Variants in CCBE1 observed in about 807,000 individuals in gnomAD.
CCBE1 encodes collagen and calcium-binding EGF domain-containing protein 1.
In CCBE1, 37 loss-of-function variants were observed where a neutral mutation model predicts 50.0. The observed-to-expected ratio is 0.74, with a 90% CI of 0.57 to 0.97. The LOEUF (loss-of-function observed/expected upper bound fraction) is 0.97. Among genes scored for constraint, CCBE1 ranks in the 50% least tolerant of loss-of-function variants. CCBE1 has a pLI of 0.00. For missense variants in CCBE1, 538 were observed against 523.8 expected, an observed-to-expected ratio of 1.03 and a Z score of -0.26; for synonymous variants, 234 against 203.7, an observed-to-expected ratio of 1.15 and a Z score of -1.27.
Position 59,439,371 on chromosome 18 carries a change from G to A in CCBE1, c.951+172C>T, listed in dbSNP as rs140417203. ...TCCCAGCTGCTTGGGAGGCTGAGGC[G>A]GGAGAATTGGGCTTGAGCCAGAGAG... On this transcript the variant is annotated intron_variant, in intron 9 of 10. Coordinates refer to ENST00000439986, the MANE Select transcript of CCBE1 (RefSeq NM_133459.4). Among the ~76,000 whole-genome samples, 520 of 152,196 alleles carry A rather than the reference G, an allele frequency of 3.4e-3. 1 individual carries two copies. The highest frequency in any genetic ancestry group is 0.012 in the African/African-American group (489 of 41,528).
chr18:59,455,853 A>G (rs1288923623), intron 5 of CCBE1, among the ~76,000 whole-genome samples: 1 of 152,204 alleles, frequency 6.6e-6, no homozygotes, highest in African/African-American at 2.4e-5. Flanking sequence ...AGGGAAGCAT[A>G]AACTCTCTTC....
At chr18:59,545,434 T>C (rs753623117) in intron 2 of CCBE1, among the ~76,000 whole-genome samples, 7 of 152,230 alleles carry the variant, frequency 4.6e-5, no homozygotes, top group Non-Finnish European at 1.0e-4. Flanking sequence ...TGGTCACACA[T>C]AATGCATATT....
intron 3 of CCBE1, among the ~76,000 whole-genome samples, chr18:59,479,263 A>G (rs2013210): frequency 0.32 from 48,651 of 151,942 alleles, 7,978 homozygotes; most frequent in Admixed American, 0.42. Flanking sequence ...TCTGCCTGGA[A>G]CCCTCTGTAG....
chr18:59,540,430 A>G (rs760566411), intron 2 of CCBE1, among the ~76,000 whole-genome samples: 2 of 152,228 alleles, frequency 1.3e-5, no homozygotes, highest in Non-Finnish European at 2.9e-5. Context: ...AGCTGAGCCC[A>G]TGTGTCCATG....
chr18:59,586,366 A>C (rs893982119), intron 2 of CCBE1, among the ~76,000 whole-genome samples: 5 of 152,214 alleles, frequency 3.3e-5, no homozygotes, highest in African/African-American at 1.2e-4. Context: ...CTTGAGAAGA[A>C]GATAATCTCC....
intron 2 of CCBE1, among the ~76,000 whole-genome samples, chr18:59,564,372 TAC>T (rs959407493): frequency 5.9e-5 from 9 of 152,270 alleles, no homozygotes; most frequent in Admixed American, 2.6e-4. Flanking sequence ...ACTATATATA[TAC>T]ACACACACAT....
chr18:59,605,049 G>C (rs561853365), intron 2 of CCBE1, among the ~76,000 whole-genome samples: 26 of 152,292 alleles, frequency 1.7e-4, no homozygotes, highest in Middle Eastern at 3.4e-3. Context: ...GCCCTCATGA[G>C]AGCATGTTCT....
At chr18:59,490,322 T>A (rs1913037054) in intron 2 of CCBE1, among the ~76,000 whole-genome samples, 1 of 151,818 alleles carries the variant, frequency 6.6e-6, no homozygotes, top group South Asian at 2.1e-4. Flanking sequence ...AAAGGTTAGT[T>A]TGGAGATTCA....
At chr18:59,438,759 A>G (rs187160380) in intron 9 of CCBE1, among the ~76,000 whole-genome samples, 2 of 152,316 alleles carry the variant, frequency 1.3e-5, no homozygotes, top group East Asian at 3.9e-4. Context: ...AAAAAGTTCT[A>G]TCTGGTATCT....
intron 3 of CCBE1, among the ~76,000 whole-genome samples, chr18:59,479,976 G>A (rs1176025619): frequency 2.0e-5 from 3 of 152,202 alleles, no homozygotes; most frequent in Non-Finnish European, 4.4e-5. Context: ...GACTCAATGT[G>A]TGCAAGCACA....
chr18:59,651,039 G>A (rs954469309), intron 2 of CCBE1, among the ~76,000 whole-genome samples: 5 of 152,062 alleles, frequency 3.3e-5, no homozygotes, highest in African/African-American at 7.2e-5. Flanking sequence ...CCTTTTCCTC[G>A]CCACAGCCAG....
intron 2 of CCBE1, among the ~76,000 whole-genome samples, chr18:59,638,315 T>C (rs2053941844): frequency 6.6e-6 from 1 of 152,224 alleles, no homozygotes; most frequent in Non-Finnish European, 1.5e-5. Flanking sequence ...AACTTTATGG[T>C]GAAATGTCTA....
intron 2 of CCBE1, among the ~76,000 whole-genome samples, chr18:59,583,009 G>C (rs9948068): frequency 0.018 from 2,726 of 152,206 alleles, 66 homozygotes; most frequent in African/African-American, 0.062. Flanking sequence ...TTTTTGTAGA[G>C]ATGGGATCTA....
intron 2 of CCBE1, among the ~76,000 whole-genome samples, chr18:59,660,845 G>A (rs1599112036): frequency 6.6e-6 from 1 of 152,058 alleles, no homozygotes; most frequent in East Asian, 1.9e-4. Flanking sequence ...ATAATTCTGT[G>A]GCCAAAAGGT....
chr18:59,540,502 T>A (rs1915426204), intron 2 of CCBE1, among the ~76,000 whole-genome samples: 1 of 152,064 alleles, frequency 6.6e-6, no homozygotes, highest in South Asian at 2.1e-4. Context: ...AGGAGGGAAA[T>A]AGGGGGTGTT....
chr18:59,592,208 C>A (rs2053281139), intron 2 of CCBE1, among the ~76,000 whole-genome samples: 1 of 152,172 alleles, frequency 6.6e-6, no homozygotes, highest in Non-Finnish European at 1.5e-5. Context: ...GCACTCCAAC[C>A]TGGGCAACAC....
chr18:59,679,627 A>T (rs2054558724), intron 2 of CCBE1, among the ~76,000 whole-genome samples: 1 of 151,956 alleles, frequency 6.6e-6, no homozygotes, highest in Admixed American at 6.6e-5. Context: ...TTTCACCCTC[A>T]AAATAAACTT....
intron 2 of CCBE1, among the ~76,000 whole-genome samples, chr18:59,496,229 A>C (rs960320242): frequency 2.0e-5 from 3 of 152,148 alleles, no homozygotes; most frequent in Admixed American, 6.5e-5. Context: ...ACCATTGTAC[A>C]TCCACACTGT....
At chr18:59,565,650 G>C (rs1461947145) in intron 2 of CCBE1, among the ~76,000 whole-genome samples, 1 of 152,080 alleles carries the variant, frequency 6.6e-6, no homozygotes, top group Non-Finnish European at 1.5e-5. Context: ...TCAAGATGGC[G>C]ACAGCAAAGC....
Sources: allele counts gnomAD v4.1 joint callset (sites outside exome capture counted in the v4.1 genomes callset), GRCh38; gene constraint gnomAD v4.1.1; transcripts MANE v1.5; gene names NCBI Gene and HGNC (gene_info 2026-07-23, HGNC 2026-07-21).